Variants in MAGI2 observed in about 807,000 individuals in gnomAD.
MAGI2 encodes the protein membrane associated guanylate kinase, WW and PDZ domain containing 2.
A neutral mutation model predicts 133.3 loss-of-function variants in MAGI2; 35 were observed. The observed-to-expected ratio is 0.26, with a 90% CI of 0.20 to 0.35. The LOEUF is 0.35. Ranked by LOEUF, MAGI2 falls within the 10% of genes least tolerant of loss-of-function variation. The pLI, the probability that MAGI2 is intolerant of heterozygous loss-of-function variation, is 1.00. For missense variants in MAGI2, 1,636 were observed against 1,863.4 expected (o/e 0.88, Z 2.25); for synonymous variants, 729 against 710.6 (o/e 1.03, Z -0.41).
intron 1 of MAGI2, among the ~76,000 whole-genome samples, chr7:79,153,160 C>A (rs74683379): frequency 6.6e-6 from 1 of 152,186 alleles, no homozygotes; most frequent in African/African-American, 2.4e-5. Context: ...CAAATAAATA[C>A]CCAGGATAGT....
intron 16 of MAGI2, among the ~76,000 whole-genome samples, chr7:78,139,146 A>G (rs1822482892): frequency 6.6e-6 from 1 of 152,246 alleles, no homozygotes; most frequent in African/African-American, 2.4e-5. Flanking sequence ...GACACATAAA[A>G]TGACTGAGTG....
chr7:79,094,686 T>A (rs73369326), intron 1 of MAGI2, among the ~76,000 whole-genome samples: 1,970 of 152,342 alleles, frequency 0.013, 45 homozygotes, highest in African/African-American at 0.044. Context: ...TTATGTTAGC[T>A]GGCATGAAAA....
At chr7:78,361,244 A>C (rs973634607) in intron 7 of MAGI2, among the ~76,000 whole-genome samples, 3 of 152,058 alleles carry the variant, frequency 2.0e-5, no homozygotes, top group African/African-American at 7.2e-5. Context: ...AAATACAAAA[A>C]TTAGCCGGGT....
At chr7:79,076,758 G>A (rs938731962) in intron 1 of MAGI2, among the ~76,000 whole-genome samples, 1 of 152,122 alleles carries the variant, frequency 6.6e-6, no homozygotes. Context: ...TACTGTAGAT[G>A]TCCCATAAGT....
intron 21 of MAGI2, among the ~76,000 whole-genome samples, chr7:78,063,273 A>T (rs1439472124): frequency 6.6e-6 from 1 of 151,798 alleles, no homozygotes; most frequent in Non-Finnish European, 1.5e-5. Flanking sequence ...ACAGGGTCCC[A>T]CTCTGTCACC....
intron 1 of MAGI2, among the ~76,000 whole-genome samples, chr7:79,402,531 T>G (rs1235897964): frequency 6.6e-6 from 1 of 152,216 alleles, no homozygotes; most frequent in African/African-American, 2.4e-5. Flanking sequence ...GGTAAGGTAA[T>G]TTATTCAATG....
intron 1 of MAGI2, among the ~76,000 whole-genome samples, chr7:79,166,908 G>A (rs568930704): frequency 3.0e-4 from 45 of 152,106 alleles, no homozygotes; most frequent in African/African-American, 1.1e-3. Flanking sequence ...CCTAGTACCA[G>A]CTAGGCCACC....
At chr7:78,141,840 C>T (rs1311087590) in intron 16 of MAGI2, among the ~76,000 whole-genome samples, 1 of 152,174 alleles carries the variant, frequency 6.6e-6, no homozygotes, top group African/African-American at 2.4e-5. Flanking sequence ...CCCAACTGAA[C>T]TCACGTTGCT....
intron 2 of MAGI2, among the ~76,000 whole-genome samples, chr7:78,798,725 A>G (rs1787820715): frequency 6.6e-6 from 1 of 152,114 alleles, no homozygotes; most frequent in Non-Finnish European, 1.5e-5. Context: ...CTATTAAACA[A>G]TAATTTTCTC....
At chr7:79,129,583 T>C (rs548399065) in intron 1 of MAGI2, among the ~76,000 whole-genome samples, 5 of 152,290 alleles carry the variant, frequency 3.3e-5, no homozygotes, top group African/African-American at 1.2e-4. Flanking sequence ...CAGAAAGAAC[T>C]AGTTTAAGTT....
chr7:79,039,868 A>T (rs984466591), intron 1 of MAGI2, among the ~76,000 whole-genome samples: 1 of 144,780 alleles, frequency 6.9e-6, no homozygotes, highest in Non-Finnish European at 1.5e-5. Context: ...TATATATATA[A>T]TATATATGTA....
intron 6 of MAGI2, among the ~76,000 whole-genome samples, chr7:78,407,766 C>T (rs1386880038): frequency 1.3e-5 from 2 of 151,876 alleles, no homozygotes; most frequent in Non-Finnish European, 2.9e-5. Context: ...TTGCAGCCAA[C>T]TGAAACAAGT....
intron 1 of MAGI2, among the ~76,000 whole-genome samples, chr7:79,251,774 C>T (rs1331345340): frequency 6.6e-6 from 1 of 152,154 alleles, no homozygotes; most frequent in Non-Finnish European, 1.5e-5. Flanking sequence ...ATCGAAAAGA[C>T]ATCTGCATTC....
chr7:78,020,046 G>T (rs1808204474), intron 21 of MAGI2, 70 bp from the exon 22 acceptor site: 1 of 1,373,000 alleles, frequency 7.3e-7, no homozygotes, highest in Admixed American at 2.6e-5. Flanking sequence ...CTACGCCGGG[G>T]ACAGGGGCAG....
At chr7:79,335,012 C>G (rs1840339798) in intron 1 of MAGI2, among the ~76,000 whole-genome samples, 1 of 152,110 alleles carries the variant, frequency 6.6e-6, no homozygotes, top group Admixed American at 6.6e-5. Flanking sequence ...TGAAATTTCT[C>G]AAGCATAAGT....
chr7:78,170,673 T>A (rs936197435), intron 14 of MAGI2: 3 of 152,104 alleles, frequency 2.0e-5, no homozygotes, highest in Non-Finnish European at 4.4e-5. Flanking sequence ...GTGGTCAAGG[T>A]AGTGCTAGAG....
At chr7:79,045,983 A>G (rs551492231) in intron 1 of MAGI2, among the ~76,000 whole-genome samples, 1 of 152,324 alleles carries the variant, frequency 6.6e-6, no homozygotes, top group South Asian at 2.1e-4. Flanking sequence ...ACATTGTACT[A>G]TAATAGCGTA....
At chr7:79,338,159 A>C (rs2129097194) in intron 1 of MAGI2, among the ~76,000 whole-genome samples, 1 of 152,302 alleles carries the variant, frequency 6.6e-6, no homozygotes, top group Non-Finnish European at 1.5e-5. Context: ...CAGCTCTGGA[A>C]TGTTTCATTT....
intron 6 of MAGI2, among the ~76,000 whole-genome samples, chr7:78,489,027 G>A (rs757527859): frequency 2.6e-5 from 4 of 152,036 alleles, no homozygotes; most frequent in African/African-American, 4.8e-5. Flanking sequence ...TCATCAGAGA[G>A]TATGCTATTG....
Sources: allele counts gnomAD v4.1 joint callset (sites outside exome capture counted in the v4.1 genomes callset), GRCh38; gene constraint gnomAD v4.1.1; transcripts MANE v1.5; gene names NCBI Gene and HGNC (gene_info 2026-07-23, HGNC 2026-07-21).